SPOP: variants seen among roughly 807,000 people sequenced by gnomAD.
SPOP encodes speckle-type POZ protein.
Under a neutral mutation model 45.6 loss-of-function variants are expected in SPOP, and 11 were observed. The ratio of observed to expected loss-of-function variants is 0.24; its 90% confidence interval spans 0.15 to 0.40. The LOEUF (loss-of-function observed/expected upper bound fraction) is 0.40, where lower values mean the gene tolerates loss of function less well. Ranked by LOEUF, SPOP falls within the 10% of genes least tolerant of loss-of-function variation. SPOP has a pLI of 1.00. For synonymous variants in SPOP, 166 were observed against 166.3 expected, an observed-to-expected ratio of 1.00 and a Z score of 0.01; for missense variants, 152 against 465.6, an observed-to-expected ratio of 0.33 and a Z score of 6.20.
At position 49,623,524 on chromosome 17, in the gene SPOP, C is replaced by T. The variant is rs531144590; in HGVS notation, c.-66-648G>A. On this transcript the variant is annotated intron_variant, in intron 1 of 9. Coordinates refer to ENST00000504102, the MANE Select transcript of SPOP (RefSeq NM_001007228.2). ...GACATAACTTGCCATGGGCTCCTTC[C>T]TTTGGGGTAAAAATACTCTACTCCT... 3.7e-3 allele frequency among the ~76,000 whole-genome samples: 559 copies of T among 152,308 alleles called. 3 individuals carry two copies. Among genetic ancestry groups the T allele is most frequent in the Non-Finnish European group, 5.3e-3 (362 of 68,024 alleles).
intron 1 of SPOP, among the ~76,000 whole-genome samples, chr17:49,628,399 A>G (rs1265290862): frequency 1.3e-5 from 2 of 152,206 alleles, no homozygotes; most frequent in Non-Finnish European, 2.9e-5. Flanking sequence ...AGCAACTAAT[A>G]AAAATCTCTA....
At chr17:49,640,448 C>A (rs1272322951) in intron 1 of SPOP, among the ~76,000 whole-genome samples, 1 of 151,948 alleles carries the variant, frequency 6.6e-6, no homozygotes, top group African/African-American at 2.4e-5. Context: ...GCAGGATTTT[C>A]TATTACGTTC....
chr17:49,618,279 A>G (rs928788252), intron 5 of SPOP, among the ~76,000 whole-genome samples: 1 of 152,222 alleles, frequency 6.6e-6, no homozygotes. Context: ...AAATGTATTC[A>G]TAACAGCATG....
At chr17:49,608,064 G>T in intron 6 of SPOP, 135 bp from the exon 7 acceptor site, 2 of 564,548 alleles carry the variant, frequency 3.5e-6, no homozygotes. Context: ...ATTTACATCA[G>T]AATTACAAAA....
chr17:49,657,829 G>A (rs2072935722), intron 1 of SPOP, among the ~76,000 whole-genome samples: 1 of 151,316 alleles, frequency 6.6e-6, no homozygotes. Context: ...AGCCTCCTGA[G>A]TAGCTGGGAC....
chr17:49,637,956 A>C (rs1415727256), intron 1 of SPOP, among the ~76,000 whole-genome samples: 3 of 152,192 alleles, frequency 2.0e-5, no homozygotes, highest in Non-Finnish European at 4.4e-5. Flanking sequence ...ATAGTGCACT[A>C]TCTCAGCCTC....
intron 1 of SPOP, among the ~76,000 whole-genome samples, chr17:49,625,271 T>C (rs1343804917): frequency 6.6e-6 from 1 of 152,246 alleles, no homozygotes; most frequent in Non-Finnish European, 1.5e-5. Context: ...ATAACTAATT[T>C]GTATTATTTC....
intron 1 of SPOP, among the ~76,000 whole-genome samples, chr17:49,643,884 C>T (rs563767575): frequency 6.7e-6 from 1 of 148,784 alleles, no homozygotes; most frequent in Non-Finnish European, 1.5e-5. Flanking sequence ...GAGCTGAGAT[C>T]GTGCCACTGC....
chr17:49,667,368 T>A (rs1390883970), intron 1 of SPOP, among the ~76,000 whole-genome samples: 2 of 149,460 alleles, frequency 1.3e-5, no homozygotes, highest in Admixed American at 6.7e-5. Context: ...GGCGGGCGGA[T>A]CACTTGAAGT....
chr17:49,634,773 G>A (rs921583575), intron 1 of SPOP, among the ~76,000 whole-genome samples: 4 of 152,170 alleles, frequency 2.6e-5, no homozygotes, highest in Non-Finnish European at 5.9e-5. Context: ...TTGCTAACAT[G>A]ATTCGGCTAT....
intron 8 of SPOP, among the ~76,000 whole-genome samples, chr17:49,606,595 G>A (rs922395268): frequency 1.4e-4 from 21 of 146,812 alleles, no homozygotes; most frequent in African/African-American, 5.0e-4. Flanking sequence ...CTGGGTTCAA[G>A]CGATCCTCTT....
chr17:49,608,022 A>G (rs1219082664), intron 6 of SPOP, 93 bp from the exon 7 acceptor site: 1 of 1,103,930 alleles, frequency 9.1e-7, no homozygotes, highest in East Asian at 2.5e-5. Context: ...TTTCTAACCT[A>G]TCCTACTGCT....
intron 1 of SPOP, among the ~76,000 whole-genome samples, chr17:49,673,396 C>T (rs1420117050): frequency 1.3e-5 from 2 of 151,860 alleles, no homozygotes; most frequent in South Asian, 2.1e-4. Context: ...GTCCCAGCTA[C>T]TTGGGAGGCT....
In SPOP at chr17:49,616,838, C is replaced by T. The variant is rs572002365; in HGVS notation, c.480+2143G>A. ...GATGGCATCAGCAGAACCCAGCAGA[C>T]GTTACCCTGTTCAACATCTCCTCGT... On this transcript the variant is annotated intron_variant, in intron 5 of 9. Coordinates refer to ENST00000504102, the MANE Select transcript of SPOP (RefSeq NM_001007228.2). 1.6e-3 allele frequency among the ~76,000 whole-genome samples: 242 copies of T among 152,348 alleles called. 1 individual carries two copies. Among genetic ancestry groups the T allele is most frequent in the African/African-American group, 5.6e-3 (234 of 41,582 alleles).
chr17:49,667,778 C>T (rs555937181), intron 1 of SPOP, among the ~76,000 whole-genome samples: 4 of 152,146 alleles, frequency 2.6e-5, no homozygotes, highest in East Asian at 1.9e-4. Context: ...AGCAGGGTCT[C>T]GAAAAGATGT....
chr17:49,664,552 G>A (rs771696478), intron 1 of SPOP, among the ~76,000 whole-genome samples: 13 of 151,926 alleles, frequency 8.6e-5, no homozygotes, highest in African/African-American at 1.2e-4. Context: ...ATAAACAAAA[G>A]CTCTTTAGGG....
intron 1 of SPOP, among the ~76,000 whole-genome samples, chr17:49,676,778 A>G (rs2073204512): frequency 6.6e-6 from 1 of 152,234 alleles, no homozygotes; most frequent in African/African-American, 2.4e-5. Flanking sequence ...AGTATCCAAA[A>G]AAAGGGCCAC....
At chr17:49,642,258 T>A (rs563222784) in intron 1 of SPOP, among the ~76,000 whole-genome samples, 2 of 151,986 alleles carry the variant, frequency 1.3e-5, no homozygotes, top group Admixed American at 6.6e-5. Flanking sequence ...AAAGAAAGAA[T>A]CATGCAAAAA....
At chr17:49,639,536 AT>A (rs1314073687) in intron 1 of SPOP, among the ~76,000 whole-genome samples, 1 of 152,356 alleles carries the variant, frequency 6.6e-6, no homozygotes, top group East Asian at 1.9e-4. Flanking sequence ...ACAGAATGCT[AT>A]ATGGCAATGA....
Sources: allele counts gnomAD v4.1 joint callset (sites outside exome capture counted in the v4.1 genomes callset), GRCh38; gene constraint gnomAD v4.1.1; transcripts MANE v1.5; gene names NCBI Gene and HGNC (gene_info 2026-07-23, HGNC 2026-07-21).